The following RAPGEF6 variants were observed in gnomAD, a reference collection of about 807,000 sequenced individuals.
RAPGEF6 encodes the protein PDZ domain containing guanine nucleotide exchange factor (GEF) 2.
Under a neutral mutation model 171.4 loss-of-function variants are expected in RAPGEF6, and 56 were observed. That is an observed-to-expected ratio of 0.33 (90% CI 0.26 to 0.41). The LOEUF (loss-of-function observed/expected upper bound fraction) is 0.41, where lower values mean the gene tolerates loss of function less well. RAPGEF6 is among the 10% of genes least tolerant of loss of function. The pLI, the probability that RAPGEF6 is intolerant of heterozygous loss-of-function variation, is 1.00. For missense variants in RAPGEF6, 1,674 were observed against 1,921.4 expected, an observed-to-expected ratio of 0.87 and a Z score of 2.41; for synonymous variants, 692 against 650.1, an observed-to-expected ratio of 1.06 and a Z score of -0.98.
At chr5:131,610,955 T>A (rs1189886653) in intron 1 of RAPGEF6, among the ~76,000 whole-genome samples, 2 of 152,188 alleles carry the variant, frequency 1.3e-5, no homozygotes, top group African/African-American at 4.8e-5. Flanking sequence ...TTTATCAACA[T>A]GTTTGAACTG....
At chr5:131,574,126 T>G (rs1360873264) in intron 4 of RAPGEF6, among the ~76,000 whole-genome samples, 2 of 152,182 alleles carry the variant, frequency 1.3e-5, no homozygotes. Flanking sequence ...AACCTCCTCA[T>G]GGACCTTGCT....
rs753777578 is a variant in RAPGEF6, at chr5:131,562,040, T to C, written c.289A>G (p.Lys97Glu). ...SMVLPPCSFG[K>E]QFGGKRGCDC... is the part of the protein sequence containing the mutation. Reference sequence around the variant, plus strand: ...CATCCTCTTTTTCCTCCAAACTGCTTACCAAAACTATAAAAACAGAAAAAC... The same window carrying C: ...CATCCTCTTTTTCCTCCAAACTGCTCACCAAAACTATAAAAACAGAAAAAC... Residue 97 changes from lysine (K) to glutamate (E), a missense_variant, in exon 5 of 28, where the codon AAG (lysine) becomes GAG (glutamate). By Grantham distance (56) the Lys-to-Glu change is moderately conservative. Around this residue, in one of 3 missense-constraint regions of RAPGEF6, gnomAD observed 1,116 missense variants for 1,321.5 expected, o/e 0.84. Coordinates refer to ENST00000509018, the MANE Select transcript of RAPGEF6 (RefSeq NM_016340.6). 1.9e-6 allele frequency: 3 copies of C among 1,576,982 alleles called. No homozygotes were observed. In the South Asian group the frequency reaches 3.5e-5, roughly 18 times the overall value.
intron 4 of RAPGEF6, among the ~76,000 whole-genome samples, chr5:131,584,595 A>G (rs1034821401): frequency 1.3e-5 from 2 of 152,118 alleles, no homozygotes; most frequent in Non-Finnish European, 2.9e-5. Context: ...AAGATTTGCA[A>G]CTCCCTCAAT....
chr5:131,452,874 G>A (rs1389224314), intron 21 of RAPGEF6, among the ~76,000 whole-genome samples, 180 bp downstream of exon 21: 1 of 151,938 alleles, frequency 6.6e-6, no homozygotes, highest in Non-Finnish European at 1.5e-5. Flanking sequence ...GTATAACGAA[G>A]GCTAATATCA....
chr5:131,495,428 T>C (rs1375548866), intron 13 of RAPGEF6, 125 bp downstream of exon 13: 4 of 630,418 alleles, frequency 6.3e-6, no homozygotes, highest in Non-Finnish European at 1.1e-5. Context: ...AGAATACAGA[T>C]TCGGAAGTTC....
chr5:131,456,411 A>G (rs10077153), intron 19 of RAPGEF6, among the ~76,000 whole-genome samples: 12,967 of 152,212 alleles, frequency 0.085, 1,192 homozygotes, highest in African/African-American at 0.23. Flanking sequence ...ACTGTTAAAT[A>G]ATAACTGGAG....
At chr5:131,451,868 T>G (rs1047682137) in intron 21 of RAPGEF6, among the ~76,000 whole-genome samples, 1 of 152,152 alleles carries the variant, frequency 6.6e-6, no homozygotes, top group African/African-American at 2.4e-5. Flanking sequence ...GCTATACACA[T>G]AGGCCCAAAA....
chr5:131,549,800 C>T (rs1268453004), intron 5 of RAPGEF6, among the ~76,000 whole-genome samples: 1 of 151,936 alleles, frequency 6.6e-6, no homozygotes, highest in African/African-American at 2.4e-5. Context: ...ATTTGTTATA[C>T]AGATTATTTT....
At chr5:131,503,128 T>A (rs1757132916) in intron 11 of RAPGEF6, among the ~76,000 whole-genome samples, 1 of 152,108 alleles carries the variant, frequency 6.6e-6, no homozygotes, top group African/African-American at 2.4e-5. Context: ...TTAGCAATGT[T>A]CACTTCCTAA....
chr5:131,580,425 C>T (rs1298633464), intron 4 of RAPGEF6, among the ~76,000 whole-genome samples: 1 of 152,058 alleles, frequency 6.6e-6, no homozygotes, highest in Admixed American at 6.6e-5. Flanking sequence ...CCCTCCACAA[C>T]TCCCTACAAG....
chr5:131,478,934 T>G (rs1039450709), intron 16 of RAPGEF6, among the ~76,000 whole-genome samples: 7 of 152,214 alleles, frequency 4.6e-5, no homozygotes, highest in African/African-American at 1.7e-4. Flanking sequence ...TGATTAGAAC[T>G]TTTGTAATTG....
At chr5:131,514,418 A>C (rs1295810222) in intron 7 of RAPGEF6, among the ~76,000 whole-genome samples, 1 of 84,462 alleles carries the variant, frequency 1.2e-5, no homozygotes, top group Non-Finnish European at 3.6e-5. Context: ...TAATTAGGTA[A>C]GAATTTTTTT....
intron 4 of RAPGEF6, among the ~76,000 whole-genome samples, chr5:131,563,069 A>G (rs150275876): frequency 6.6e-6 from 1 of 151,790 alleles, no homozygotes; most frequent in African/African-American, 2.4e-5. Context: ...AATGAAGAAT[A>G]AAAAAAAGCC....
chr5:131,534,613 T>TTC (rs1181382160), intron 6 of RAPGEF6, among the ~76,000 whole-genome samples: 1 of 151,358 alleles, frequency 6.6e-6, no homozygotes, highest in Non-Finnish European at 1.5e-5. Flanking sequence ...TGTGTTTTTT[T>TTC]TTTTTTCAGT....
intron 5 of RAPGEF6, among the ~76,000 whole-genome samples, chr5:131,549,893 G>T (rs1424672892): frequency 6.6e-6 from 1 of 152,036 alleles, no homozygotes; most frequent in Non-Finnish European, 1.5e-5. Context: ...AAATGCCCCA[G>T]TGTGTGTTGT....
intron 4 of RAPGEF6, among the ~76,000 whole-genome samples, chr5:131,581,753 C>T (rs749196105): frequency 8.5e-5 from 13 of 152,212 alleles, no homozygotes; most frequent in Non-Finnish European, 1.6e-4. Context: ...GTCATGGTGA[C>T]ATTCCCCCAG....
chr5:131,615,684 G>T (rs1247771474), intron 1 of RAPGEF6, among the ~76,000 whole-genome samples: 18 of 152,256 alleles, frequency 1.2e-4, no homozygotes, highest in Non-Finnish European at 2.9e-5. Flanking sequence ...CGGATTACTT[G>T]AGGTAAGGAG....
chr5:131,591,186 TA>T (rs1213587391), intron 4 of RAPGEF6, among the ~76,000 whole-genome samples: 1 of 152,146 alleles, frequency 6.6e-6, no homozygotes, highest in African/African-American at 2.4e-5. Context: ...GCCACTAAAT[TA>T]ACTACAATTG....
chr5:131,537,775 T>G (rs993825020), intron 6 of RAPGEF6, among the ~76,000 whole-genome samples: 1 of 152,094 alleles, frequency 6.6e-6, no homozygotes, highest in African/African-American at 2.4e-5. Context: ...AGACAGAAAA[T>G]ATTTTGGGAA....
Sources: gnomAD v4.1 joint callset for allele counts (sites outside exome capture counted in the v4.1 genomes callset) on GRCh38, gnomAD v4.1.1 for gene constraint, gnomAD v4.1.1 regional missense constraint, MANE v1.5 for transcripts, NCBI Gene and HGNC (gene_info 2026-07-23, HGNC 2026-07-21) for gene names.